The following EDDM13 variants were observed in gnomAD, a reference collection of about 807,000 sequenced individuals.
EDDM13 encodes epididymal protein 13.
EDDM13 carries 24 observed loss-of-function variants against 17.8 expected under a neutral mutation model. The ratio of observed to expected loss-of-function variants is 1.35; its 90% CI spans 0.98 to 1.90. EDDM13 has a LOEUF of 1.90. EDDM13 is among the 40% of genes most tolerant of loss of function. The pLI is 0.00. For missense variants in EDDM13, 97 were observed against 100.8 expected (o/e 0.96, Z 0.16); for synonymous variants, 31 against 37.5 (o/e 0.83, Z 0.63).
At chr19:56,295,569 TGG>T (rs2039815139) in intron 9 of EDDM13, among the ~76,000 whole-genome samples, 1 of 152,010 alleles carries the variant, frequency 6.6e-6, no homozygotes, top group South Asian at 2.1e-4. Flanking sequence ...CACCCCAGTC[TGG>T]GCAACAGAGC....
chr19:56,302,514 C>CCG (rs2040334331), intron 13 of EDDM13, among the ~76,000 whole-genome samples: 1 of 28,506 alleles, frequency 3.5e-5, no homozygotes, highest in Non-Finnish European at 8.7e-5. Flanking sequence ...CCCTTCTTTC[C>CCG]TTCCTCCCTC....
At chr19:56,296,478 G>GT (rs1600218782) in intron 11 of EDDM13, 116 bp downstream of exon 11, 1 of 152,284 alleles carries the variant, frequency 6.6e-6, no homozygotes, top group East Asian at 1.9e-4. Flanking sequence ...CTCTTTATCC[G>GT]TATCATCATC....
chr19:56,309,380 T>C (rs34181036), intron 14 of EDDM13, among the ~76,000 whole-genome samples: 14,605 of 152,206 alleles, frequency 0.096, 747 homozygotes, highest in Middle Eastern at 0.13. Flanking sequence ...GAAGTGACAA[T>C]TGCACAACAT....
intron 2 of EDDM13, among the ~76,000 whole-genome samples, chr19:56,279,364 A>T (rs2038507345): frequency 6.6e-6 from 1 of 152,192 alleles, no homozygotes; most frequent in African/African-American, 2.4e-5. Context: ...GTTTATTCCT[A>T]TAGCCTAGCA....
intron 9 of EDDM13, among the ~76,000 whole-genome samples, chr19:56,291,370 T>C (rs558769476): frequency 3.0e-4 from 46 of 152,338 alleles, no homozygotes; most frequent in Non-Finnish European, 5.3e-4. Context: ...CCTGGATTAA[T>C]GCGTCTCTAA....
At chr19:56,276,978 C>T (rs938574524) in intron 2 of EDDM13, among the ~76,000 whole-genome samples, 4 of 151,912 alleles carry the variant, frequency 2.6e-5, no homozygotes, top group South Asian at 2.1e-4. Flanking sequence ...CAAATAAGCA[C>T]ATAAAAAGAT....
At chr19:56,288,960 T>C (rs1343863157) in intron 8 of EDDM13, among the ~76,000 whole-genome samples, 69 bp downstream of exon 8, 6 of 152,172 alleles carry the variant, frequency 3.9e-5, no homozygotes, top group Admixed American at 3.3e-4. Flanking sequence ...TTCAAACTCC[T>C]TTAAGAAAAT....
intron 9 of EDDM13, among the ~76,000 whole-genome samples, chr19:56,294,905 C>G (rs998594654): frequency 3.3e-5 from 5 of 152,220 alleles, no homozygotes; most frequent in Non-Finnish European, 7.3e-5. Flanking sequence ...GACTCTGTCT[C>G]TACGACATGT....
intron 13 of EDDM13, 22 bp from the exon 14 acceptor site, chr19:56,304,771 C>T: frequency 1.0e-6 from 1 of 985,164 alleles, no homozygotes; most frequent in Non-Finnish European, 1.2e-6. Context: ...TCTCTGTTCC[C>T]AGTTCACTTT....
intron 2 of EDDM13, among the ~76,000 whole-genome samples, chr19:56,281,032 G>A (rs920272730): frequency 1.3e-5 from 2 of 152,114 alleles, no homozygotes; most frequent in South Asian, 2.1e-4. Context: ...TTGACCAGAA[G>A]ACTTACTAAT....
At chr19:56,282,358 C>A in intron 3 of EDDM13, 133 bp from the exon 4 acceptor site, 1 of 353,548 alleles carries the variant, frequency 2.8e-6, no homozygotes, top group Non-Finnish European at 4.0e-6. Context: ...TAACCTATCT[C>A]AGGACCTATG....
intron 9 of EDDM13, among the ~76,000 whole-genome samples, chr19:56,294,106 G>C (rs1368580579): frequency 3.3e-5 from 5 of 152,160 alleles, no homozygotes; most frequent in South Asian, 2.1e-4. Flanking sequence ...AGCAGACCCA[G>C]CAGGAAAATC....
chr19:56,288,398 C>T lies in EDDM13; in HGVS notation c.168C>T (p.Asn56=), dbSNP rs2039280619. The change falls in exon 7 of 15, where the codon AAC becomes AAT. Residue 56 remains asparagine (N), a synonymous_variant. Coordinates refer to ENST00000649256, the MANE Select transcript of EDDM13 (RefSeq NM_001354658.2). ...CTCATCTTCCAGGTCTCAGACACAA[C>T]ATCACTTCCCTCAAGATGCCTCCCC... is the stretch of plus-strand genomic sequence containing the variant. ...SRLSPDGLRH[N]ITSLKMPPLV... Among the ~76,000 whole-genome samples the T allele has an allele frequency of 6.6e-6, 1 of 152,206 alleles. No individual in the cohort carries two copies. Among genetic ancestry groups the T allele is most frequent in the African/African-American group, 2.4e-5 (1 of 41,452 alleles).
At chr19:56,285,801 G>T (rs964256206) in intron 6 of EDDM13, among the ~76,000 whole-genome samples, 20 of 151,896 alleles carry the variant, frequency 1.3e-4, no homozygotes, top group African/African-American at 4.8e-4. Context: ...ATTTTGTTTT[G>T]ATGTTATTAT....
chr19:56,279,540 A>C (rs1371060622), intron 2 of EDDM13, among the ~76,000 whole-genome samples: 1 of 152,212 alleles, frequency 6.6e-6, no homozygotes, highest in South Asian at 2.1e-4. Flanking sequence ...TACGTCATGC[A>C]ATTTAATTTT....
At position 56,274,611 on chromosome 19, in the gene EDDM13, T is replaced by C. The variant is rs372938434; in HGVS notation, c.86-1481T>C. The C allele has an allele frequency of 5.9e-5, 9 of 152,294 alleles. No homozygotes were observed. In the East Asian group the frequency reaches 1.5e-3, roughly 26 times the overall value. The allele number at this position is 152,294 out of a possible 1,614,324, so 9.4% of individuals were successfully genotyped here. On this transcript the variant is annotated intron_variant, in intron 1 of 14. Transcript: ENST00000649256. ...CAGCTGTTAACATCTTACCTAACCA[T>C]AGCACAATGACTAAAAGCAAGACCC... is the stretch of plus-strand genomic sequence containing the variant.
At chr19:56,276,561 G>A (rs1049359469) in intron 2 of EDDM13, among the ~76,000 whole-genome samples, 16 of 122,658 alleles carry the variant, frequency 1.3e-4, no homozygotes, top group African/African-American at 3.6e-4. Context: ...TTTTTGAGAC[G>A]AGCCTCGCTC....
intron 4 of EDDM13, chr19:56,282,962 ACT>A (rs1344198166): frequency 1.3e-5 from 2 of 152,282 alleles, no homozygotes; most frequent in East Asian, 3.9e-4. Flanking sequence ...AGTTTGCAAG[ACT>A]CTGGGGCAGA....
At chr19:56,285,544 T>C (rs187948829) in intron 6 of EDDM13, among the ~76,000 whole-genome samples, 54 of 152,344 alleles carry the variant, frequency 3.5e-4, no homozygotes, top group Non-Finnish European at 5.9e-5. Context: ...TAGTTTTTTT[T>C]CTAATATATA....
Sources: allele counts gnomAD v4.1 joint callset (sites outside exome capture counted in the v4.1 genomes callset), GRCh38; gene constraint gnomAD v4.1.1; transcripts MANE v1.5; gene names NCBI Gene and HGNC (gene_info 2026-07-23, HGNC 2026-07-21).